Variants in PCDH9 observed in about 807,000 individuals in gnomAD.
PCDH9 encodes the protein protocadherin-9.
In PCDH9, 24 loss-of-function variants were observed where a neutral mutation model predicts 70.6. That is an observed-to-expected ratio of 0.34 (90% CI 0.25 to 0.48). The LOEUF is 0.48. PCDH9 is among the 20% of genes least tolerant of loss of function. PCDH9 has a pLI of 0.99. For synonymous variants in PCDH9, 562 were observed against 558.5 expected (o/e 1.01, Z -0.09); for missense variants, 1,281 against 1,503.6 (o/e 0.85, Z 2.45).
At chr13:66,383,294 A>G (rs1956877804) in intron 4 of PCDH9, among the ~76,000 whole-genome samples, 1 of 152,208 alleles carries the variant, frequency 6.6e-6, no homozygotes, top group Admixed American at 6.5e-5. Context: ...TTCTTCGTAC[A>G]TATTTTACTC....
chr13:67,069,845 C>G (rs1003635814), intron 2 of PCDH9, among the ~76,000 whole-genome samples: 1 of 152,018 alleles, frequency 6.6e-6, no homozygotes, highest in African/African-American at 2.4e-5. Context: ...TCATAAAAAT[C>G]TTGGGATTGT....
intron 3 of PCDH9, among the ~76,000 whole-genome samples, chr13:66,661,296 A>C (rs1756358094): frequency 6.6e-6 from 1 of 152,226 alleles, no homozygotes; most frequent in Non-Finnish European, 1.5e-5. Flanking sequence ...TATGAGTTCT[A>C]GTGCTAGGAG....
At chr13:66,692,589 T>C (rs1051948573) in intron 3 of PCDH9, among the ~76,000 whole-genome samples, 6 of 152,104 alleles carry the variant, frequency 3.9e-5, no homozygotes, top group Non-Finnish European at 5.9e-5. Context: ...TATTAAGCCA[T>C]AGCCATCCAC....
intron 4 of PCDH9, among the ~76,000 whole-genome samples, chr13:66,617,826 C>T (rs2077375434): frequency 6.6e-6 from 1 of 152,186 alleles, no homozygotes. Context: ...TGCCGGGAAC[C>T]CTTAGATAAG....
intron 4 of PCDH9, among the ~76,000 whole-genome samples, chr13:66,400,058 G>A (rs1957162144): frequency 6.6e-6 from 1 of 152,120 alleles, no homozygotes; most frequent in African/African-American, 2.4e-5. Flanking sequence ...AGCTCAGGTG[G>A]CTCCATACTC....
chr13:66,937,737 T>C (rs1356593539), intron 2 of PCDH9, among the ~76,000 whole-genome samples: 1 of 152,112 alleles, frequency 6.6e-6, no homozygotes, highest in Non-Finnish European at 1.5e-5. Context: ...ATGTTCAAAC[T>C]GCGTTCAAGT....
intron 3 of PCDH9, among the ~76,000 whole-genome samples, chr13:66,687,919 TC>T (rs1288322640): frequency 3.3e-5 from 5 of 152,136 alleles, no homozygotes; most frequent in African/African-American, 1.2e-4. Context: ...CAAAAGTTTT[TC>T]TTTTGACTTC....
At chr13:66,352,526 T>C (rs1230947504) in intron 4 of PCDH9, among the ~76,000 whole-genome samples, 3 of 152,074 alleles carry the variant, frequency 2.0e-5, no homozygotes, top group Non-Finnish European at 4.4e-5. Context: ...TCTCATTATG[T>C]ACTCACAGGA....
At chr13:66,662,302 G>A (rs1425025797) in intron 3 of PCDH9, among the ~76,000 whole-genome samples, 5 of 151,820 alleles carry the variant, frequency 3.3e-5, no homozygotes, top group Non-Finnish European at 7.4e-5. Flanking sequence ...GAGAAACCCC[G>A]TCTCTACTAA....
intron 3 of PCDH9, among the ~76,000 whole-genome samples, chr13:66,759,341 C>A (rs1015209422): frequency 4.6e-5 from 7 of 151,914 alleles, no homozygotes; most frequent in Non-Finnish European, 7.4e-5. Flanking sequence ...CTTGGAATAT[C>A]TTTTTCCATC....
At chr13:66,988,668 G>A (rs1230837833) in intron 2 of PCDH9, among the ~76,000 whole-genome samples, 1 of 151,954 alleles carries the variant, frequency 6.6e-6, no homozygotes, top group Non-Finnish European at 1.5e-5. Context: ...ATGAAAGAAT[G>A]AGGAAATAAT....
intron 2 of PCDH9, among the ~76,000 whole-genome samples, chr13:67,022,365 C>T (rs2084695333): frequency 6.6e-6 from 1 of 151,944 alleles, no homozygotes; most frequent in South Asian, 2.1e-4. Flanking sequence ...AGGTGATCTG[C>T]CCACCTTGGC....
intron 2 of PCDH9, among the ~76,000 whole-genome samples, chr13:67,002,910 T>C (rs1762703099): frequency 1.3e-5 from 2 of 150,920 alleles, no homozygotes; most frequent in African/African-American, 2.4e-5. Context: ...ATTACTAGTA[T>C]TTTTTTTTCA....
chr13:67,227,306 C>A lies in PCDH9; in HGVS notation c.1135G>T (p.Val379Phe). 1 of 1,613,560 alleles carries A rather than the reference C, an allele frequency of 6.2e-7. No individual in the cohort carries two copies. The highest frequency in any genetic ancestry group is 1.3e-5 in the African/African-American group (1 of 75,018). Residue 379 changes from valine (V) to phenylalanine (F), a missense_variant, in exon 2 of 5, where the codon GTC (valine) becomes TTC (phenylalanine). Physicochemically the swap from Val to Phe is conservative, Grantham distance 50. This residue lies in a region of PCDH9 where 798 missense variants were observed against 1,003.1 expected (regional missense o/e 0.80). Coordinates refer to ENST00000377865, the MANE Select transcript of PCDH9 (RefSeq NM_203487.3). This position sits in a 1 kb window ranked among gnomAD's most constrained non-coding sequence, Gnocchi z 4.6. Reference protein sequence around the residue: ...GTVYLSEKDPVNTKIALITVS... With the variant: ...GTVYLSEKDPFNTKIALITVS... ...GTAATTAGGGCAATCTTTGTATTGA[C>A]AGGATCTTTCTCAGATAAATACACG...
intron 2 of PCDH9, among the ~76,000 whole-genome samples, chr13:67,093,184 G>A (rs1054785204): frequency 4.6e-5 from 7 of 152,278 alleles, no homozygotes; most frequent in African/African-American, 1.2e-4. Flanking sequence ...ATCAGGTGCC[G>A]TGGCTCATGC....
intron 3 of PCDH9, among the ~76,000 whole-genome samples, chr13:66,767,953 A>G (rs1190232328): frequency 6.6e-6 from 1 of 152,114 alleles, no homozygotes; most frequent in East Asian, 1.9e-4. Flanking sequence ...CTTGAAAAGT[A>G]AAAATAGTAA....
intron 2 of PCDH9, among the ~76,000 whole-genome samples, chr13:67,004,909 T>C (rs2084320730): frequency 6.6e-6 from 1 of 152,072 alleles, no homozygotes; most frequent in Admixed American, 6.6e-5. Flanking sequence ...GTCCAAGCAA[T>C]CTTTAAATTT....
intron 4 of PCDH9, among the ~76,000 whole-genome samples, chr13:66,589,053 GTT>G (rs2077003618): frequency 1.3e-5 from 2 of 151,964 alleles, no homozygotes; most frequent in East Asian, 3.9e-4. Context: ...AAGCCAAAAT[GTT>G]GCTTTAGTCG....
At chr13:66,610,061 C>G (rs768607894) in intron 4 of PCDH9, among the ~76,000 whole-genome samples, 1 of 151,212 alleles carries the variant, frequency 6.6e-6, no homozygotes, top group Non-Finnish European at 1.5e-5. Flanking sequence ...GGGTTCACGC[C>G]ATTCTCCTGC....
Sources: allele counts gnomAD v4.1 joint callset (sites outside exome capture counted in the v4.1 genomes callset), GRCh38; gene constraint gnomAD v4.1.1; regional missense constraint gnomAD v4.1.1; non-coding constraint Gnocchi (gnomAD v3.1); transcripts MANE v1.5; gene names NCBI Gene and HGNC (gene_info 2026-07-23, HGNC 2026-07-21).